The following IQSEC3 variants were observed in gnomAD, a reference collection of about 807,000 sequenced individuals.
IQSEC3 encodes IQ motif and SEC7 domain-containing protein 3.
In IQSEC3, 50 loss-of-function variants were observed where a neutral mutation model predicts 105.4. The ratio of observed to expected loss-of-function variants is 0.47; its 90% CI spans 0.38 to 0.60. The LOEUF is 0.60. IQSEC3 is among the 20% of genes least tolerant of loss of function. IQSEC3 has a pLI of 0.00. For synonymous variants in IQSEC3, 708 were observed against 746.0 expected, an observed-to-expected ratio of 0.95 and a Z score of 0.83; for missense variants, 1,415 against 1,630.0, an observed-to-expected ratio of 0.87 and a Z score of 2.27.
intron 1 of IQSEC3, among the ~76,000 whole-genome samples, chr12:81,520 C>T (rs1210046766): frequency 1.3e-5 from 2 of 152,052 alleles, no homozygotes; most frequent in African/African-American, 4.8e-5. Flanking sequence ...CCTGAGGGAT[C>T]AGTGTGGGAT....
chr12:132,684 AG>A (rs1262967579), intron 3 of IQSEC3, among the ~76,000 whole-genome samples: 4 of 152,200 alleles, frequency 2.6e-5, no homozygotes, highest in African/African-American at 9.7e-5. Context: ...CAAGTTTCCC[AG>A]GCTGGGTGCT....
chr12:122,017 A>AT (rs1865234775), intron 2 of IQSEC3, among the ~76,000 whole-genome samples: 1 of 152,192 alleles, frequency 6.6e-6, no homozygotes, highest in East Asian at 1.9e-4. Flanking sequence ...CAACATTGCC[A>AT]CGTTGAGAAC....
intron 3 of IQSEC3, among the ~76,000 whole-genome samples, chr12:126,691 T>A (rs868967189): frequency 6.6e-6 from 1 of 152,150 alleles, no homozygotes; most frequent in Non-Finnish European, 1.5e-5. Flanking sequence ...CTTTGGGAGT[T>A]GCCAGTTAAA....
intron 5 of IQSEC3, among the ~76,000 whole-genome samples, chr12:154,630 G>T (rs12301140): frequency 0.091 from 13,889 of 152,132 alleles, 1,174 homozygotes; most frequent in African/African-American, 0.23. Context: ...GGCTGAGAGG[G>T]TGGCATCTGG....
chr12:165,969 C>CAGCTCCCTGGAGTCAGGCA, intron 11 of IQSEC3, 79 bp downstream of exon 11: 1 of 1,524,968 alleles, frequency 6.6e-7, no homozygotes, highest in Non-Finnish European at 8.9e-7. Context: ...ACAGACATGC[C>CAGCTCCCTGGAGTCAGGCA]TGACTCCAGG....
intron 2 of IQSEC3, among the ~76,000 whole-genome samples, chr12:116,379 G>A (rs995752475): frequency 5.3e-5 from 8 of 152,128 alleles, no homozygotes; most frequent in East Asian, 3.9e-4. Flanking sequence ...CACTCGCCCC[G>A]GAGACCTGGT....
intron 1 of IQSEC3, among the ~76,000 whole-genome samples, chr12:95,891 G>T (rs1417219735): frequency 3.9e-5 from 6 of 152,228 alleles, no homozygotes; most frequent in African/African-American, 1.4e-4. Flanking sequence ...ATGAGGACTT[G>T]GGCTGTTTGC....
intron 2 of IQSEC3, among the ~76,000 whole-genome samples, chr12:109,742 C>T (rs898598939): frequency 6.6e-6 from 1 of 152,196 alleles, no homozygotes; most frequent in African/African-American, 2.4e-5. Flanking sequence ...CACATCCTCT[C>T]ACTTCCTCTT....
chr12:138,924 G>A lies in IQSEC3; in HGVS notation c.1561G>A (p.Glu521Lys). The change falls in exon 4 of 14, where the codon GAG (glutamate) becomes AAG (lysine). Residue 521 changes from glutamate to lysine, a missense_variant. Transcript: ENST00000538872. The surrounding 1 kb of genome is among the most constrained non-coding windows in gnomAD (Gnocchi z 7.1). Reference sequence around the variant, plus strand: ...CGCTCAGACGGTCCAGGCCCCCGCAGAGCCCGCGGCGGGCAAGGCCGAGCA... The same window carrying A: ...CGCTCAGACGGTCCAGGCCCCCGCAAAGCCCGCGGCGGGCAAGGCCGAGCA... ...LGAQTVQAPAEPAAGKAEQGE... is the reference protein window; with the variant it reads ...LGAQTVQAPAKPAAGKAEQGE... 6.3e-7 allele frequency: 1 copy of A among 1,599,010 alleles called. No individual in the cohort carries two copies. Among genetic ancestry groups the A allele is most frequent in the Non-Finnish European group, 8.5e-7 (1 of 1,173,694 alleles).
chr12:171,006 G>C (rs1282990921), intron 12 of IQSEC3, 106 bp from the exon 13 acceptor site: 2 of 1,397,822 alleles, frequency 1.4e-6, no homozygotes, highest in Non-Finnish European at 2.0e-6. Flanking sequence ...GTGAGGAGCA[G>C]TGTGACCCCA....
At chr12:88,977 C>T (rs961130433) in intron 1 of IQSEC3, among the ~76,000 whole-genome samples, 13 of 152,210 alleles carry the variant, frequency 8.5e-5, no homozygotes, top group African/African-American at 3.1e-4. Flanking sequence ...TCAAGTCTTG[C>T]TTGAATATGA....
intron 1 of IQSEC3, among the ~76,000 whole-genome samples, chr12:78,170 G>A (rs1395327925): frequency 1.3e-5 from 2 of 150,970 alleles, no homozygotes; most frequent in African/African-American, 2.4e-5. Flanking sequence ...CGGTGTCTGG[G>A]GCCTCCCGGC....
At chr12:81,055 T>A (rs1555070617) in intron 1 of IQSEC3, among the ~76,000 whole-genome samples, 1 of 152,178 alleles carries the variant, frequency 6.6e-6, no homozygotes, top group East Asian at 1.9e-4. Flanking sequence ...GATTCTCAAC[T>A]GGGATTTCCA....
chr12:156,485 G>A (rs2137038292), intron 5 of IQSEC3, among the ~76,000 whole-genome samples: 1 of 151,944 alleles, frequency 6.6e-6, no homozygotes, highest in Non-Finnish European at 1.5e-5. Flanking sequence ...GCAGCTGTGG[G>A]GAGCTGGGGC....
intron 7 of IQSEC3, among the ~76,000 whole-genome samples, chr12:159,932 T>C (rs1866826202): frequency 6.6e-6 from 1 of 152,206 alleles, no homozygotes; most frequent in African/African-American, 2.4e-5. Flanking sequence ...TTTACTTCCT[T>C]GACTTTCTGG....
intron 5 of IQSEC3, 151 bp downstream of exon 5, chr12:141,436 C>T: frequency 1.3e-6 from 1 of 789,478 alleles, no homozygotes; most frequent in East Asian, 2.7e-5. Flanking sequence ...CCCTCTTTAG[C>T]CCATCACCCC....
chr12:119,262 C>T (rs1408341621), intron 2 of IQSEC3, among the ~76,000 whole-genome samples: 1 of 152,118 alleles, frequency 6.6e-6, no homozygotes, highest in Non-Finnish European at 1.5e-5. Flanking sequence ...TCTGTGTGAC[C>T]AGAGAGCTGC....
intron 9 of IQSEC3, among the ~76,000 whole-genome samples, chr12:163,880 C>T (rs1284658611): frequency 1.3e-5 from 2 of 151,930 alleles, no homozygotes; most frequent in African/African-American, 2.4e-5. Context: ...AAACTGTTAA[C>T]GAACTAGTTC....
intron 2 of IQSEC3, among the ~76,000 whole-genome samples, chr12:113,781 C>G (rs1335229858): frequency 6.6e-6 from 1 of 152,008 alleles, no homozygotes; most frequent in Non-Finnish European, 1.5e-5. Flanking sequence ...AGCGAAGGTC[C>G]CTTCCCTCCC....
Sources: gnomAD v4.1 joint callset for allele counts (sites outside exome capture counted in the v4.1 genomes callset) on GRCh38, gnomAD v4.1.1 for gene constraint, Gnocchi (gnomAD v3.1) non-coding constraint, MANE v1.5 for transcripts, NCBI Gene and HGNC (gene_info 2026-07-23, HGNC 2026-07-21) for gene names.